KPNA5: variants seen among roughly 807,000 people sequenced by gnomAD.
KPNA5 encodes the protein karyopherin subunit alpha 5, also known as importin subunit alpha-6.
In KPNA5, 46 loss-of-function variants were observed where a neutral mutation model predicts 71.3. That is an observed-to-expected ratio of 0.65 (90% CI 0.51 to 0.83). The LOEUF is 0.83. Ranked by LOEUF, KPNA5 falls within the 40% of genes least tolerant of loss-of-function variation. The probability of loss-of-function intolerance (pLI) is 0.00; values close to 1 mark genes in which losing one functional copy is unlikely to be tolerated. For missense variants in KPNA5, 547 were observed against 628.3 expected, an observed-to-expected ratio of 0.87 and a Z score of 1.38; for synonymous variants, 207 against 201.4, an observed-to-expected ratio of 1.03 and a Z score of -0.24.
intron 2 of KPNA5, among the ~76,000 whole-genome samples, chr6:116,691,137 G>C (rs901255832): frequency 8.5e-5 from 13 of 152,232 alleles, no homozygotes; most frequent in African/African-American, 2.9e-4. Context: ...GTTTAGGCAG[G>C]AGGATCGCTT....
intron 1 of KPNA5, among the ~76,000 whole-genome samples, chr6:116,686,727 G>A (rs1377537271): frequency 2.0e-5 from 3 of 152,074 alleles, no homozygotes; most frequent in Non-Finnish European, 4.4e-5. Flanking sequence ...ATATGGAAGG[G>A]GTCCAGTTTC....
chr6:116,692,006 A>T, intron 2 of KPNA5, 49 bp from the exon 3 acceptor site: 1 of 1,168,850 alleles, frequency 8.6e-7, no homozygotes, highest in Non-Finnish European at 1.3e-6. Flanking sequence ...ATGGCAACTT[A>T]ATGTTTTATG....
chr6:116,715,620 T>G (rs1181486819), intron 7 of KPNA5, among the ~76,000 whole-genome samples: 2 of 152,130 alleles, frequency 1.3e-5, no homozygotes, highest in Non-Finnish European at 2.9e-5. Context: ...ATTTTCATGA[T>G]TAAAGAAATT....
intron 4 of KPNA5, among the ~76,000 whole-genome samples, chr6:116,696,372 A>G (rs1005264787): frequency 6.6e-6 from 1 of 152,212 alleles, no homozygotes; most frequent in African/African-American, 2.4e-5. Context: ...GCAAGCATCT[A>G]GAGGCCAGAA....
chr6:116,690,155 G>A (rs1421019833), intron 2 of KPNA5, among the ~76,000 whole-genome samples: 1 of 152,110 alleles, frequency 6.6e-6, no homozygotes, highest in Admixed American at 6.5e-5. Flanking sequence ...GGCTGGTATT[G>A]AACTCCTCGC....
chr6:116,698,866 A>G (rs1312577272), intron 5 of KPNA5, 68 bp downstream of exon 5: 3 of 836,362 alleles, frequency 3.6e-6, no homozygotes, highest in Non-Finnish European at 3.7e-6. Context: ...AGTGAAAGCA[A>G]CTTCTGCAGT....
intron 8 of KPNA5, among the ~76,000 whole-genome samples, chr6:116,718,848 A>G (rs1043705035): frequency 5.3e-5 from 8 of 150,736 alleles, no homozygotes; most frequent in Non-Finnish European, 1.2e-4. Context: ...GCTCACTGCA[A>G]CCTCTGCCTC....
chr6:116,716,211 C>A lies in KPNA5; in HGVS notation c.657-8C>A. Reference sequence around the variant, plus strand: ...GGTGATAATTCTTTTTTTTCTTTTTCTTGGCAGGTTATTAACAAATTCAAA... The same window carrying A: ...GGTGATAATTCTTTTTTTTCTTTTTATTGGCAGGTTATTAACAAATTCAAA... On this transcript the variant is annotated splice_polypyrimidine_tract_variant and splice_region_variant and intron_variant, in intron 7 of 13. Coordinates refer to ENST00000368564, the MANE Select transcript of KPNA5 (RefSeq NM_001366306.2). 1 of 1,589,816 alleles carries A rather than the reference C, an allele frequency of 6.3e-7. No homozygotes were observed. Among genetic ancestry groups the A allele is most frequent in the South Asian group, 1.2e-5 (1 of 86,234 alleles).
intron 4 of KPNA5, among the ~76,000 whole-genome samples, chr6:116,697,964 A>G (rs1196942657): frequency 6.6e-6 from 1 of 152,076 alleles, no homozygotes; most frequent in Non-Finnish European, 1.5e-5. Flanking sequence ...TAGTAATAAT[A>G]TCTGGTACTT....
intron 8 of KPNA5, among the ~76,000 whole-genome samples, chr6:116,721,714 T>C (rs1202168932): frequency 6.6e-6 from 1 of 152,180 alleles, no homozygotes; most frequent in African/African-American, 2.4e-5. Flanking sequence ...GTTCCTCAAA[T>C]GATTATTAGA....
At chr6:116,699,462 C>T (rs1005617831) in intron 5 of KPNA5, among the ~76,000 whole-genome samples, 1 of 152,092 alleles carries the variant, frequency 6.6e-6, no homozygotes, top group Non-Finnish European at 1.5e-5. Context: ...AGACATACAC[C>T]TAACTTATAA....
rs1358548964 is a variant in KPNA5 at position 116,735,496 on chromosome 6, A to T, written c.*3173A>T. On this transcript the variant is annotated 3_prime_UTR_variant, in exon 14 of 14. Transcript: ENST00000368564. ...GGAGCCAATATAATAGAGCTCTAAAAGGATAGTATATCTTTAAATTCTGAC... is the reference window on the plus strand; with the variant it reads ...GGAGCCAATATAATAGAGCTCTAAATGGATAGTATATCTTTAAATTCTGAC... 6.6e-6 allele frequency: 1 copy of T among 151,750 alleles called. No homozygotes were observed. Among genetic ancestry groups the T allele is most frequent in the Admixed American group, 6.6e-5 (1 of 15,170 alleles). 9.4% of individuals were successfully genotyped at this position (151,750 alleles called of 1,614,324 possible).
At chr6:116,715,496 T>TA (rs761586798) in intron 7 of KPNA5, among the ~76,000 whole-genome samples, 33 of 152,230 alleles carry the variant, frequency 2.2e-4, no homozygotes, top group Middle Eastern at 3.4e-3. Flanking sequence ...GCAAACTAGG[T>TA]AAAAAAATAC....
At chr6:116,720,967 A>T (rs1161823391) in intron 8 of KPNA5, among the ~76,000 whole-genome samples, 2 of 152,254 alleles carry the variant, frequency 1.3e-5, no homozygotes, top group African/African-American at 4.8e-5. Context: ...CATACCTATT[A>T]TGTAAGCTAA....
At chr6:116,731,213 T>TA (rs1183463757) in intron 13 of KPNA5, among the ~76,000 whole-genome samples, 7 of 152,214 alleles carry the variant, frequency 4.6e-5, no homozygotes, top group South Asian at 2.1e-4. Flanking sequence ...TAAGTCCTCT[T>TA]ACATTGTATG....
At chr6:116,716,110 C>T in intron 7 of KPNA5, 109 bp from the exon 8 acceptor site, 1 of 731,560 alleles carries the variant, frequency 1.4e-6, no homozygotes. Flanking sequence ...TCCTATTTTG[C>T]TAGTTTGAAT....
At chr6:116,689,960 C>G (rs923831364) in intron 2 of KPNA5, among the ~76,000 whole-genome samples, 1 of 151,860 alleles carries the variant, frequency 6.6e-6, no homozygotes, top group African/African-American at 2.4e-5. Context: ...TTTTTTATTC[C>G]AAGATGTACT....
chr6:116,711,199 G>A (rs1254714489), intron 7 of KPNA5, among the ~76,000 whole-genome samples: 2 of 150,294 alleles, frequency 1.3e-5, no homozygotes, highest in Non-Finnish European at 3.0e-5. Flanking sequence ...CAGCCAAATT[G>A]TAGTAATATG....
chr6:116,725,981 G>A (rs1017427772), intron 11 of KPNA5, 105 bp downstream of exon 11: 21 of 1,291,588 alleles, frequency 1.6e-5, no homozygotes, highest in East Asian at 4.9e-5. Context: ...AAAAGATACC[G>A]AAAAAGTATT....
Sources: gnomAD v4.1 joint callset for allele counts (sites outside exome capture counted in the v4.1 genomes callset) on GRCh38, gnomAD v4.1.1 for gene constraint, MANE v1.5 for transcripts, NCBI Gene and HGNC (gene_info 2026-07-23, HGNC 2026-07-21) for gene names.